The following EYA4 variants were observed in gnomAD, a reference collection of about 807,000 sequenced individuals.
EYA4 encodes the protein protein phosphatase EYA4.
EYA4 carries 31 observed loss-of-function variants against 87.9 expected under a neutral mutation model. That is an observed-to-expected ratio of 0.35 (90% CI 0.27 to 0.48). The LOEUF (loss-of-function observed/expected upper bound fraction) is 0.48. EYA4 is among the 20% of genes least tolerant of loss of function. The probability of loss-of-function intolerance (pLI) is 0.99; values close to 1 mark genes in which losing one functional copy is unlikely to be tolerated. For synonymous variants in EYA4, 263 were observed against 270.6 expected, an observed-to-expected ratio of 0.97 and a Z score of 0.28; for missense variants, 678 against 761.4, an observed-to-expected ratio of 0.89 and a Z score of 1.29.
chr6:133,360,649 A>G (rs545244808), intron 2 of EYA4: 1 of 152,212 alleles, frequency 6.6e-6, no homozygotes, highest in Non-Finnish European at 1.5e-5. Flanking sequence ...GGATACCACA[A>G]GAAAGTGGCA....
chr6:133,397,849 A>AGACTTATTCACTATC (rs1399111458), intron 3 of EYA4, among the ~76,000 whole-genome samples: 4 of 152,188 alleles, frequency 2.6e-5, no homozygotes, highest in Admixed American at 6.5e-5. Flanking sequence ...AGATCTCGTG[A>AGACTTATTCACTATC]GACTTATTCA....
chr6:133,385,115 C>T (rs1048937051), intron 3 of EYA4, among the ~76,000 whole-genome samples: 19 of 151,624 alleles, frequency 1.3e-4, no homozygotes, highest in Non-Finnish European at 2.7e-4. Context: ...CTGGCTAACA[C>T]AGTGAAACCC....
At chr6:133,477,245 A>C (rs1795823343) in intron 11 of EYA4, among the ~76,000 whole-genome samples, 1 of 152,066 alleles carries the variant, frequency 6.6e-6, no homozygotes, top group African/African-American at 2.4e-5. Flanking sequence ...AGCAGTGTGC[A>C]AGATTTCTGT....
intron 11 of EYA4, among the ~76,000 whole-genome samples, chr6:133,476,770 G>A (rs776169601): frequency 3.3e-5 from 5 of 151,976 alleles, no homozygotes; most frequent in Non-Finnish European, 4.4e-5. Context: ...TATACCCAGC[G>A]GTGTGATTGC....
At chr6:133,407,130 G>T (rs1339137416) in intron 3 of EYA4, among the ~76,000 whole-genome samples, 1 of 151,942 alleles carries the variant, frequency 6.6e-6, no homozygotes, top group Non-Finnish European at 1.5e-5. Flanking sequence ...TTTGGGAAAG[G>T]TCTAATTAAA....
chr6:133,383,517 CAAAAAAAAAAAAAAA>C (rs768724484), intron 3 of EYA4, among the ~76,000 whole-genome samples: 14 of 45,240 alleles, frequency 3.1e-4, no homozygotes, highest in Non-Finnish European at 4.4e-4. Flanking sequence ...GACTCCATCT[CAAAAAAAAAAAAAAA>C]AAAAAAAAAA....
intron 2 of EYA4, among the ~76,000 whole-genome samples, chr6:133,372,554 A>G (rs906848663): frequency 6.6e-6 from 1 of 151,808 alleles, no homozygotes; most frequent in Non-Finnish European, 1.5e-5. Context: ...ATCAGATTCA[A>G]TCCAGCATGC....
At chr6:133,385,482 G>A (rs1266881800) in intron 3 of EYA4, among the ~76,000 whole-genome samples, 1 of 150,040 alleles carries the variant, frequency 6.7e-6, no homozygotes, top group Non-Finnish European at 1.5e-5. Flanking sequence ...TTAAAGCCCG[G>A]GGCTAGGTAG....
chr6:133,344,143 T>G lies in EYA4; in HGVS notation c.34-38249T>G, dbSNP rs112065615. ...TTATAGGAGAAAGGCTGGACATGTT[T>G]TAAACACTGGATAAATGCAAGGCAC... On this transcript the variant is annotated intron_variant, in intron 2 of 19. Coordinates refer to ENST00000355286, the MANE Select transcript of EYA4 (RefSeq NM_004100.5). Among the ~76,000 whole-genome samples, 147 of 152,276 alleles carry G rather than the reference T, an allele frequency of 9.7e-4. No homozygotes were observed. In the Middle Eastern group the frequency reaches 0.01, roughly 11 times the overall value.
chr6:133,451,839 A>G (rs1793474812), intron 5 of EYA4, among the ~76,000 whole-genome samples: 2 of 152,178 alleles, frequency 1.3e-5, no homozygotes, highest in Non-Finnish European at 2.9e-5. Flanking sequence ...TATATTTGAA[A>G]TCGATATAGA....
At chr6:133,527,628 T>G (rs1347156984) in intron 19 of EYA4, among the ~76,000 whole-genome samples, 2 of 152,236 alleles carry the variant, frequency 1.3e-5, no homozygotes, top group African/African-American at 2.4e-5. Context: ...TGAAATTCAT[T>G]GTGTATTTTA....
intron 17 of EYA4, among the ~76,000 whole-genome samples, chr6:133,518,714 CA>C (rs2128799965): frequency 6.6e-6 from 1 of 152,306 alleles, no homozygotes; most frequent in South Asian, 2.1e-4. Context: ...TCCCACACCA[CA>C]CCTATTCCAA....
intron 2 of EYA4, among the ~76,000 whole-genome samples, chr6:133,336,763 T>C (rs753161552): frequency 7.2e-5 from 11 of 152,198 alleles, no homozygotes; most frequent in Non-Finnish European, 1.3e-4. Flanking sequence ...AAAGCAATGA[T>C]ACATATAAGG....
At chr6:133,432,873 A>G (rs1174230789) in intron 3 of EYA4, among the ~76,000 whole-genome samples, 1 of 152,122 alleles carries the variant, frequency 6.6e-6, no homozygotes, top group Non-Finnish European at 1.5e-5. Flanking sequence ...AGACTACAGA[A>G]TGCCTGTCTA....
intron 5 of EYA4, among the ~76,000 whole-genome samples, chr6:133,449,823 A>G (rs1303980751): frequency 2.0e-5 from 3 of 152,212 alleles, no homozygotes; most frequent in African/African-American, 7.2e-5. Context: ...GAAAATATGC[A>G]TTGTGTTAAC....
At chr6:133,489,154 G>GA (rs1021775493) in intron 13 of EYA4, among the ~76,000 whole-genome samples, 8 of 152,058 alleles carry the variant, frequency 5.3e-5, no homozygotes, top group African/African-American at 1.9e-4. Flanking sequence ...TGATAAAGCA[G>GA]AAAAAAGAAT....
At chr6:133,514,076 A>G (rs1461833603) in intron 16 of EYA4, among the ~76,000 whole-genome samples, 2 of 152,176 alleles carry the variant, frequency 1.3e-5, no homozygotes, top group Non-Finnish European at 2.9e-5. Flanking sequence ...ATACATAATA[A>G]CTGTAAGAGA....
In EYA4 at chr6:133,413,486, C is replaced by T. The variant is rs371922088; in HGVS notation, c.83+31045C>T. Among the ~76,000 whole-genome samples the T allele has an allele frequency of 5.3e-5, 8 of 151,316 alleles. No individual in the cohort carries two copies. The South Asian group carries it at 6.3e-4, about 12-fold the overall frequency. On this transcript the variant is annotated intron_variant, in intron 3 of 19. Transcript: ENST00000355286. ...CCTCTGCTAAATTTATCACTATTGA[C>T]GTGTTAACTACTTCTTAAAATATTC...
At chr6:133,463,188 T>C (rs1421306822) in intron 9 of EYA4, among the ~76,000 whole-genome samples, 2 of 152,092 alleles carry the variant, frequency 1.3e-5, no homozygotes, top group Non-Finnish European at 2.9e-5. Context: ...CATATATTAT[T>C]GACCAGTTGA....
Sources: allele counts gnomAD v4.1 joint callset (sites outside exome capture counted in the v4.1 genomes callset), GRCh38; gene constraint gnomAD v4.1.1; transcripts MANE v1.5; gene names NCBI Gene and HGNC (gene_info 2026-07-23, HGNC 2026-07-21).